CCN4: variants seen among roughly 807,000 people sequenced by gnomAD.
CCN4 encodes CCN family member 4.
In CCN4, 30 loss-of-function variants were observed where a neutral mutation model predicts 36.7. The observed-to-expected ratio is 0.82, with a 90% confidence interval of 0.61 to 1.11. The LOEUF is 1.11. CCN4 is among the 50% of genes least tolerant of loss of function. The pLI is 0.00. For synonymous variants in CCN4, 191 were observed against 195.4 expected, an observed-to-expected ratio of 0.98 and a Z score of 0.19; for missense variants, 505 against 504.9, an observed-to-expected ratio of 1.00 and a Z score of 0.00.
chr8:133,203,183 G>A lies in CCN4; in HGVS notation c.70-9681G>A, dbSNP rs199620712. Reference sequence around the variant, plus strand: ...CCCAGGGTGTGCCAGGCGCAGTGCCGGGCACCCAGGAGGCGGGAAAGGGCA... The same window carrying A: ...CCCAGGGTGTGCCAGGCGCAGTGCCAGGCACCCAGGAGGCGGGAAAGGGCA... On this transcript the variant is annotated intron_variant, in intron 1 of 4. Coordinates refer to ENST00000250160, the MANE Select transcript of CCN4 (RefSeq NM_003882.4). Among the ~76,000 whole-genome samples, 64 of 152,310 alleles carry A rather than the reference G, an allele frequency of 4.2e-4. No homozygotes were observed. In the East Asian group the frequency reaches 0.012, roughly 29 times the overall value.
intron 1 of CCN4, among the ~76,000 whole-genome samples, chr8:133,200,980 G>A (rs181381886): frequency 5.7e-4 from 87 of 152,260 alleles, no homozygotes; most frequent in African/African-American, 2.0e-3. Flanking sequence ...TTAGGATTCA[G>A]TGCAAATGTC....
At chr8:133,216,866 A>C (rs1483612672) in intron 2 of CCN4, among the ~76,000 whole-genome samples, 1 of 152,230 alleles carries the variant, frequency 6.6e-6, no homozygotes, top group African/African-American at 2.4e-5. Context: ...TAAAAATAAA[A>C]GTAATTGGCT....
At chr8:133,197,560 C>G (rs1051844070) in intron 1 of CCN4, among the ~76,000 whole-genome samples, 5 of 151,908 alleles carry the variant, frequency 3.3e-5, no homozygotes, top group Admixed American at 3.3e-4. Context: ...AGTCAGCTCC[C>G]CTCCTCCTCC....
intron 1 of CCN4, among the ~76,000 whole-genome samples, chr8:133,208,099 T>C (rs888926400): frequency 4.0e-5 from 6 of 151,768 alleles, no homozygotes; most frequent in Admixed American, 6.6e-5. Context: ...ATTTACTAGG[T>C]GTTGGGCATA....
chr8:133,192,505 G>T (rs1209791546), intron 1 of CCN4, among the ~76,000 whole-genome samples: 2 of 152,190 alleles, frequency 1.3e-5, no homozygotes, highest in African/African-American at 2.4e-5. Flanking sequence ...TAAAGGACTT[G>T]CCCAGGAGCT....
In CCN4 at chr8:133,224,229, C is replaced by CTTTTTTTTTTTTTTTTTT. The variant is rs59929763; in HGVS notation, c.611-1149_611-1132dup. Among the ~76,000 whole-genome samples, 46 of 88,494 alleles carry CTTTTTTTTTTTTTTTTTT rather than the reference C, an allele frequency of 5.2e-4. 23 individuals carry two copies. The highest frequency in any genetic ancestry group is 8.6e-4 in the South Asian group (2 of 2,328). The allele number at this position is 88,494 out of a possible 152,430, so 58.1% of individuals were successfully genotyped here. ...GATTTGAATTTGAAGCCCGTAAGTC[C>CTTTTTTTTTTTTTTTTTT]TTTTTTTTTTTTTTTTTTTTTTTTT... On this transcript the variant is annotated intron_variant, in intron 3 of 4. Transcript: ENST00000250160.
At chr8:133,199,287 T>G (rs1430128566) in intron 1 of CCN4, among the ~76,000 whole-genome samples, 1 of 152,184 alleles carries the variant, frequency 6.6e-6, no homozygotes, top group African/African-American at 2.4e-5. Flanking sequence ...AGAATGCCCC[T>G]CTGCTCAGGC....
At position 133,227,625 on chromosome 8, in the gene CCN4, G is replaced by A; in HGVS notation, c.1019G>A (p.Cys340Tyr). 1 of 1,614,246 alleles carries A rather than the reference G, an allele frequency of 6.2e-7. No homozygotes were observed. The highest frequency in any genetic ancestry group is 8.5e-7 in the Non-Finnish European group (1 of 1,180,042). Reference sequence around the variant, plus strand: ...CGCCAGGTCCTATGGATTAATGCCTGCTTCTGTAACCTGAGCTGTAGGAAT... The same window carrying A: ...CGCCAGGTCCTATGGATTAATGCCTACTTCTGTAACCTGAGCTGTAGGAAT... The part of the protein sequence containing the change: ...FSRQVLWINA[C>Y]FCNLSCRNPN... Residue 340 changes from cysteine to tyrosine, a missense_variant, in exon 5 of 5, where the codon TGC becomes TAC. Transcript: ENST00000250160.
chr8:133,204,705 C>G (rs1002065528), intron 1 of CCN4, among the ~76,000 whole-genome samples: 1 of 152,226 alleles, frequency 6.6e-6, no homozygotes, highest in Non-Finnish European at 1.5e-5. Flanking sequence ...TAGGCATGTG[C>G]CACTACATCC....
In CCN4 at chr8:133,191,057, G is replaced by T; in HGVS notation, c.-88G>T. 3.5e-6 allele frequency: 5 copies of T among 1,438,340 alleles called. No individual in the cohort carries two copies. Among genetic ancestry groups the T allele is most frequent in the Non-Finnish European group, 4.8e-6 (5 of 1,041,366 alleles). The allele number at this position is 1,438,340 out of a possible 1,614,324, so 89.1% of individuals were successfully genotyped here. On this transcript the variant is annotated 5_prime_UTR_variant, in exon 1 of 5. The change abolishes an upstream ATG in the 5' untranslated region. Coordinates refer to ENST00000250160, the MANE Select transcript of CCN4 (RefSeq NM_003882.4). ...AAGAGGCATATCTGGTGCTCCTGAT[G>T]GGCCGGCCAGTCTGGGCCCAGCTCC...
chr8:133,194,391 T>G (rs1588176977), intron 1 of CCN4, among the ~76,000 whole-genome samples: 4 of 66,548 alleles, frequency 6.0e-5, no homozygotes, highest in African/African-American at 1.2e-4. Flanking sequence ...GTGTGTGTGG[T>G]GTGTGGGGGT....
chr8:133,225,715 G>A (rs899623427), intron 4 of CCN4, 132 bp downstream of exon 4: 2 of 881,520 alleles, frequency 2.3e-6, no homozygotes, highest in African/African-American at 1.7e-5. Context: ...TAGGTCTGGT[G>A]TAACAGCTAT....
chr8:133,197,932 C>T (rs955072016), intron 1 of CCN4, among the ~76,000 whole-genome samples: 3 of 152,140 alleles, frequency 2.0e-5, no homozygotes, highest in Non-Finnish European at 2.9e-5. Flanking sequence ...AGGGGAATAT[C>T]CTGAGAGAGC....
At chr8:133,205,232 T>C (rs1442009063) in intron 1 of CCN4, among the ~76,000 whole-genome samples, 1 of 152,248 alleles carries the variant, frequency 6.6e-6, no homozygotes, top group Admixed American at 6.5e-5. Flanking sequence ...CACCTCTGTC[T>C]TCCCCATAAA....
chr8:133,197,083 T>G (rs185418620), intron 1 of CCN4, among the ~76,000 whole-genome samples: 19 of 152,098 alleles, frequency 1.2e-4, no homozygotes, highest in African/African-American at 4.3e-4. Context: ...ATGATGATGA[T>G]GATGATGATG....
chr8:133,200,195 G>A (rs983099006), intron 1 of CCN4, among the ~76,000 whole-genome samples: 5 of 152,148 alleles, frequency 3.3e-5, no homozygotes, highest in Non-Finnish European at 5.9e-5. Context: ...CCTGATCCAC[G>A]AACCATTGCC....
intron 2 of CCN4, among the ~76,000 whole-genome samples, chr8:133,215,596 C>T (rs1300000623): frequency 2.0e-5 from 3 of 152,088 alleles, no homozygotes; most frequent in African/African-American, 7.2e-5. Flanking sequence ...CCTTCCCCAC[C>T]GGTGGCCTGG....
Position 133,231,412 on chromosome 8 carries a change from A to G in CCN4, c.*3702A>G, listed in dbSNP as rs1435586560. 1.3e-5 allele frequency: 2 copies of G among 152,234 alleles called. No homozygotes were observed. Among genetic ancestry groups the G allele is most frequent in the African/African-American group, 4.8e-5 (2 of 41,452 alleles). 9.4% of individuals were successfully genotyped at this position (152,234 alleles called of 1,614,324 possible). On this transcript the variant is annotated 3_prime_UTR_variant, in exon 5 of 5. Transcript: ENST00000250160. Reference sequence around the variant, plus strand: ...GTGACTGAAAAACTACACATGAGGAAACGTCTTAGAATTTTCCAATAGAGG... The same window carrying G: ...GTGACTGAAAAACTACACATGAGGAGACGTCTTAGAATTTTCCAATAGAGG...
At chr8:133,214,507 G>GGTAGTTGTTGTT (rs1554743075) in intron 2 of CCN4, among the ~76,000 whole-genome samples, 2 of 151,438 alleles carry the variant, frequency 1.3e-5, no homozygotes, top group African/African-American at 4.9e-5. Flanking sequence ...GTTTGGAGGT[G>GGTAGTTGTTGTT]GTTGTTGTTG....
Sources: gnomAD v4.1 joint callset for allele counts (sites outside exome capture counted in the v4.1 genomes callset) on GRCh38, gnomAD v4.1.1 for gene constraint, MANE v1.5 for transcripts, NCBI Gene and HGNC (gene_info 2026-07-23, HGNC 2026-07-21) for gene names.